Variants in MEOX2 observed in about 807,000 individuals in gnomAD.
MEOX2 encodes the protein homeobox protein MOX-2.
In MEOX2, 11 loss-of-function variants were observed where a neutral mutation model predicts 27.0. The observed-to-expected ratio is 0.41, with a 90% CI of 0.26 to 0.68. MEOX2 has a LOEUF of 0.68. MEOX2 is among the 30% of genes least tolerant of loss of function. MEOX2 has a pLI of 0.33. For missense variants in MEOX2, 436 were observed against 385.4 expected (o/e 1.13, Z -1.10); for synonymous variants, 189 against 155.4 (o/e 1.22, Z -1.61).
intron 1 of MEOX2, among the ~76,000 whole-genome samples, chr7:15,647,794 C>T (rs1781675172): frequency 6.6e-6 from 1 of 151,984 alleles, no homozygotes; most frequent in Admixed American, 6.6e-5. Flanking sequence ...AAGAGTAGGA[C>T]TTTTAAAATT....
At chr7:15,614,660 T>G (rs1236232799) in intron 2 of MEOX2, among the ~76,000 whole-genome samples, 2 of 152,162 alleles carry the variant, frequency 1.3e-5, no homozygotes, top group Non-Finnish European at 2.9e-5. Flanking sequence ...TTATTAATTT[T>G]TCTATAGTTT....
chr7:15,674,367 C>A (rs540675282), intron 1 of MEOX2, among the ~76,000 whole-genome samples: 1 of 151,886 alleles, frequency 6.6e-6, no homozygotes, highest in African/African-American at 2.4e-5. Flanking sequence ...GTGCAAGAGA[C>A]CTGAAAGTAG....
chr7:15,645,057 AAAG>A, intron 1 of MEOX2, among the ~76,000 whole-genome samples: 1 of 152,336 alleles, frequency 6.6e-6, no homozygotes, highest in Non-Finnish European at 1.5e-5. Context: ...CCTAATAAAG[AAAG>A]AAGATTAAGG....
chr7:15,615,829 C>T (rs537263185), intron 2 of MEOX2, among the ~76,000 whole-genome samples: 1 of 152,078 alleles, frequency 6.6e-6, no homozygotes, highest in Admixed American at 6.6e-5. Flanking sequence ...CTGAAACATT[C>T]AGTCTAAATA....
chr7:15,679,070 T>C (rs1782251654), intron 1 of MEOX2: 1 of 152,210 alleles, frequency 6.6e-6, no homozygotes, highest in Non-Finnish European at 1.5e-5. Context: ...TCAAGCTTAA[T>C]ATTTAATTTT....
At chr7:15,633,154 C>G (rs981721407) in intron 1 of MEOX2, among the ~76,000 whole-genome samples, 18 of 151,872 alleles carry the variant, frequency 1.2e-4, no homozygotes, top group Admixed American at 1.1e-3. Context: ...TGTTTGAGGC[C>G]AATTCTTGTT....
intron 1 of MEOX2, among the ~76,000 whole-genome samples, chr7:15,671,172 T>G (rs1378359414): frequency 6.6e-6 from 1 of 152,180 alleles, no homozygotes; most frequent in African/African-American, 2.4e-5. Context: ...CTTAATCATA[T>G]TCTATGAGAT....
At chr7:15,663,074 T>A (rs1267738211) in intron 1 of MEOX2, among the ~76,000 whole-genome samples, 1 of 152,110 alleles carries the variant, frequency 6.6e-6, no homozygotes, top group Non-Finnish European at 1.5e-5. Context: ...AATCTGTAAA[T>A]CTATTCTACA....
At chr7:15,636,946 A>C (rs1583756178) in intron 1 of MEOX2, among the ~76,000 whole-genome samples, 1 of 151,316 alleles carries the variant, frequency 6.6e-6, no homozygotes, top group South Asian at 2.1e-4. Context: ...TGACCTAAAC[A>C]CCTCCCAAAA....
rs114051831 is a variant in MEOX2 at position 15,665,008 on chromosome 7, G to A, written c.517+20878C>T. Among the ~76,000 whole-genome samples, 1,106 of 150,806 alleles carry A rather than the reference G, an allele frequency of 7.3e-3. 10 individuals carry two copies. The highest frequency in any genetic ancestry group is 0.026 in the African/African-American group (1,057 of 40,928). On this transcript the variant is annotated intron_variant, in intron 1 of 2. Coordinates refer to ENST00000262041, the MANE Select transcript of MEOX2 (RefSeq NM_005924.5). ...TTTATTTCAGAGGAAATGAACACCA[G>A]TCAGTGATGACAGATTTATTATTAA...
chr7:15,642,178 T>G (rs543531004), intron 1 of MEOX2, among the ~76,000 whole-genome samples: 5 of 152,316 alleles, frequency 3.3e-5, no homozygotes, highest in African/African-American at 1.2e-4. Context: ...TAGGGAAATT[T>G]TCTTGAATTA....
chr7:15,656,800 T>C (rs576857201), intron 1 of MEOX2, among the ~76,000 whole-genome samples: 1 of 152,206 alleles, frequency 6.6e-6, no homozygotes, highest in Admixed American at 6.5e-5. Context: ...TTTTTCCTTT[T>C]GATGTTCTAA....
At chr7:15,647,815 TA>T (rs1375619557) in intron 1 of MEOX2, among the ~76,000 whole-genome samples, 32 of 152,240 alleles carry the variant, frequency 2.1e-4, no homozygotes, top group African/African-American at 7.2e-4. Context: ...TAATTGACCT[TA>T]AAAAATGATC....
intron 2 of MEOX2, among the ~76,000 whole-genome samples, chr7:15,620,589 A>T (rs971600488): frequency 3.3e-5 from 5 of 152,136 alleles, no homozygotes; most frequent in African/African-American, 9.7e-5. Context: ...AGCAAAACAA[A>T]AAAAACAGCT....
intron 1 of MEOX2, among the ~76,000 whole-genome samples, chr7:15,674,384 G>A (rs974078335): frequency 1.3e-5 from 2 of 152,104 alleles, no homozygotes; most frequent in Admixed American, 6.5e-5. Flanking sequence ...GTAGGCAAAG[G>A]GGAAAAATAT....
chr7:15,667,472 C>T (rs1782028120), intron 1 of MEOX2, among the ~76,000 whole-genome samples: 1 of 151,784 alleles, frequency 6.6e-6, no homozygotes, highest in Non-Finnish European at 1.5e-5. Flanking sequence ...TATTGTACTG[C>T]GGACGCTTCC....
intron 1 of MEOX2, among the ~76,000 whole-genome samples, chr7:15,644,520 A>G (rs1583762919): frequency 1.3e-5 from 2 of 152,330 alleles, no homozygotes; most frequent in African/African-American, 4.8e-5. Context: ...GTTCTCCAAG[A>G]AAAGGTGAAT....
At chr7:15,625,266 A>G (rs1290640105) in intron 2 of MEOX2, among the ~76,000 whole-genome samples, 1 of 152,178 alleles carries the variant, frequency 6.6e-6, no homozygotes, top group African/African-American at 2.4e-5. Context: ...AAATAATAAA[A>G]TAGAGGTCTG....
At chr7:15,645,533 T>G (rs1781628208) in intron 1 of MEOX2, among the ~76,000 whole-genome samples, 1 of 152,204 alleles carries the variant, frequency 6.6e-6, no homozygotes, top group Non-Finnish European at 1.5e-5. Flanking sequence ...ATGTTGGAAT[T>G]ATTTTTTATT....
Sources: allele counts gnomAD v4.1 joint callset (sites outside exome capture counted in the v4.1 genomes callset), GRCh38; gene constraint gnomAD v4.1.1; transcripts MANE v1.5; gene names NCBI Gene and HGNC (gene_info 2026-07-23, HGNC 2026-07-21).